Variants in WDR72 observed in about 807,000 individuals in gnomAD.
WDR72 encodes WD repeat-containing protein 72.
In WDR72, 120 loss-of-function variants were observed where a neutral mutation model predicts 124.2. The observed-to-expected ratio is 0.97, with a 90% CI of 0.83 to 1.12. The LOEUF is 1.12. Among genes scored for constraint, WDR72 ranks in the 50% most tolerant of loss-of-function variants. WDR72 has a pLI of 0.00. For synonymous variants in WDR72, 452 were observed against 441.7 expected (o/e 1.02, Z -0.29); for missense variants, 1,387 against 1,278.8 (o/e 1.08, Z -1.29).
At chr15:53,742,877 G>A (rs1246821210) in intron 1 of WDR72, among the ~76,000 whole-genome samples, 1 of 152,012 alleles carries the variant, frequency 6.6e-6, no homozygotes, top group East Asian at 1.9e-4. Flanking sequence ...TAACATATAA[G>A]CAATGTAATC....
chr15:53,580,331 C>T (rs2011849780), intron 18 of WDR72, among the ~76,000 whole-genome samples: 1 of 151,998 alleles, frequency 6.6e-6, no homozygotes, highest in Admixed American at 6.6e-5. Context: ...CTTCAGGGGC[C>T]ACTAAAATGT....
At chr15:53,618,896 C>A (rs2013874986) in intron 14 of WDR72, among the ~76,000 whole-genome samples, 1 of 152,022 alleles carries the variant, frequency 6.6e-6, no homozygotes, top group African/African-American at 2.4e-5. Context: ...AAGGCTGTAT[C>A]CCCTTACACG....
intron 14 of WDR72, among the ~76,000 whole-genome samples, chr15:53,633,796 AAAC>A (rs1216503362): frequency 6.6e-6 from 1 of 152,208 alleles, no homozygotes; most frequent in Admixed American, 6.5e-5. Context: ...AAAAATACTA[AAAC>A]AACATTACCT....
chr15:53,525,114 AT>A (rs2140216591), intron 18 of WDR72, among the ~76,000 whole-genome samples: 1 of 152,006 alleles, frequency 6.6e-6, no homozygotes, highest in Non-Finnish European at 1.5e-5. Flanking sequence ...GCTGAGTTTA[AT>A]TTTCTTAATT....
At chr15:53,688,958 A>G (rs940154835) in intron 13 of WDR72, among the ~76,000 whole-genome samples, 33 of 152,338 alleles carry the variant, frequency 2.2e-4, no homozygotes, top group African/African-American at 7.7e-4. Flanking sequence ...AAAACAAGAA[A>G]TGGGGAAAGG....
At chr15:53,683,299 T>A (rs1442545039) in intron 13 of WDR72, among the ~76,000 whole-genome samples, 1 of 152,112 alleles carries the variant, frequency 6.6e-6, no homozygotes, top group Non-Finnish European at 1.5e-5. Flanking sequence ...TAGAATTAAC[T>A]GCAATGTATT....
chr15:53,551,869 C>T (rs1893742511), intron 18 of WDR72, among the ~76,000 whole-genome samples: 1 of 152,068 alleles, frequency 6.6e-6, no homozygotes, highest in East Asian at 1.9e-4. Context: ...CACACACACA[C>T]ACACACAAAC....
chr15:53,543,882 C>A (rs1167306141), intron 18 of WDR72, among the ~76,000 whole-genome samples: 4 of 152,168 alleles, frequency 2.6e-5, no homozygotes, highest in African/African-American at 4.8e-5. Flanking sequence ...ACTACAAACA[C>A]CTCTACGCAA....
chr15:53,675,571 T>C (rs1407850028), intron 13 of WDR72, among the ~76,000 whole-genome samples: 1 of 152,232 alleles, frequency 6.6e-6, no homozygotes, highest in Admixed American at 6.5e-5. Flanking sequence ...TCGCATTATT[T>C]AAATTTATTA....
At chr15:53,684,880 C>G (rs1406441278) in intron 13 of WDR72, among the ~76,000 whole-genome samples, 1 of 152,212 alleles carries the variant, frequency 6.6e-6, no homozygotes, top group Non-Finnish European at 1.5e-5. Context: ...GGCCAGACTG[C>G]CTCCTCAAGT....
intron 18 of WDR72, among the ~76,000 whole-genome samples, chr15:53,591,904 A>G (rs747055599): frequency 6.6e-6 from 1 of 152,042 alleles, no homozygotes; most frequent in Non-Finnish European, 1.5e-5. Flanking sequence ...AATAAAATCT[A>G]CAGGTCACCT....
chr15:53,723,616 T>C (rs992174079), intron 2 of WDR72, among the ~76,000 whole-genome samples: 2 of 152,196 alleles, frequency 1.3e-5, no homozygotes, highest in African/African-American at 4.8e-5. Flanking sequence ...CATGGGGGAC[T>C]GGTTCCAGGA....
At chr15:53,528,239 C>G (rs1006367504) in intron 18 of WDR72, among the ~76,000 whole-genome samples, 1 of 152,016 alleles carries the variant, frequency 6.6e-6, no homozygotes, top group Non-Finnish European at 1.5e-5. Flanking sequence ...TACACATCAC[C>G]CTTACTTTAA....
chr15:53,676,233 C>T (rs970185336), intron 13 of WDR72, among the ~76,000 whole-genome samples: 5 of 152,136 alleles, frequency 3.3e-5, no homozygotes, highest in South Asian at 2.1e-4. Context: ...TACTAATAAT[C>T]CCCAATGACA....
chr15:53,719,734 C>A (rs1350828), intron 3 of WDR72, among the ~76,000 whole-genome samples: 41,325 of 152,028 alleles, frequency 0.27, 6,807 homozygotes, highest in Middle Eastern at 0.47. Flanking sequence ...AGTTACTAGA[C>A]CCTAGCCCAG....
chr15:53,677,938 T>C (rs1232402165), intron 13 of WDR72, among the ~76,000 whole-genome samples: 3 of 152,150 alleles, frequency 2.0e-5, no homozygotes, highest in East Asian at 1.9e-4. Context: ...TCAGGAAGAA[T>C]AAGTGACAGG....
rs1038289496 is a variant in WDR72 at position 53,597,158 on chromosome 15, C to T, written c.3069G>A (p.Glu1023=). Reference sequence around the variant, plus strand: ...CCAGCTTTGGCAGCATCTGCTTCATCTCACAGTTACCATTCTCTGCCATGG... The same window carrying T: ...CCAGCTTTGGCAGCATCTGCTTCATTTCACAGTTACCATTCTCTGCCATGG... The part of the protein sequence containing the change: ...PVSMAENGNC[E]MKQMLPKLEW... Residue 1023 remains glutamate, a synonymous_variant, in exon 18 of 20, where the codon GAG becomes GAA. Coordinates refer to ENST00000360509, the MANE Select transcript of WDR72 (RefSeq NM_182758.4). 6.2e-7 allele frequency: 1 copy of T among 1,613,964 alleles called. No homozygotes were observed. The highest frequency in any genetic ancestry group is 8.5e-7 in the Non-Finnish European group (1 of 1,179,906).
chr15:53,624,941 T>G (rs1276120593), intron 14 of WDR72, among the ~76,000 whole-genome samples: 2 of 152,180 alleles, frequency 1.3e-5, no homozygotes, highest in African/African-American at 4.8e-5. Flanking sequence ...TTTTATAGAT[T>G]GGGCAGACAC....
chr15:53,529,164 A>ATATATTTTTT (rs59003623), intron 18 of WDR72, among the ~76,000 whole-genome samples: 1 of 78,168 alleles, frequency 1.3e-5, no homozygotes, highest in Non-Finnish European at 2.6e-5. Flanking sequence ...ATATATATAT[A>ATATATTTTTT]TTTTTTTTTT....
Sources: gnomAD v4.1 joint callset for allele counts (sites outside exome capture counted in the v4.1 genomes callset) on GRCh38, gnomAD v4.1.1 for gene constraint, MANE v1.5 for transcripts, NCBI Gene and HGNC (gene_info 2026-07-23, HGNC 2026-07-21) for gene names.